The following SLAIN2 variants were observed in gnomAD, a reference collection of about 807,000 sequenced individuals.
The protein encoded by SLAIN2 is SLAIN family member 2.
In SLAIN2, 31 loss-of-function variants were observed where a neutral mutation model predicts 56.6. The observed-to-expected ratio is 0.55, with a 90% confidence interval of 0.41 to 0.74. The LOEUF (loss-of-function observed/expected upper bound fraction) is 0.74. Ranked by LOEUF, SLAIN2 falls within the 30% of genes least tolerant of loss-of-function variation. The pLI is 0.00. For missense variants in SLAIN2, 777 were observed against 754.2 expected (o/e 1.03, Z -0.35); for synonymous variants, 317 against 284.9 (o/e 1.11, Z -1.13).
intron 6 of SLAIN2, among the ~76,000 whole-genome samples, chr4:48,389,578 G>A (rs1716184003): frequency 6.6e-6 from 1 of 152,224 alleles, no homozygotes; most frequent in African/African-American, 2.4e-5. Context: ...ATTAAATTCA[G>A]CAGTGTGAAG....
At chr4:48,418,288 C>T (rs953468433) in intron 6 of SLAIN2, among the ~76,000 whole-genome samples, 1 of 151,704 alleles carries the variant, frequency 6.6e-6, no homozygotes, top group Admixed American at 6.6e-5. Context: ...ATAATGTTAA[C>T]TGTAGGGTTT....
intron 6 of SLAIN2, among the ~76,000 whole-genome samples, chr4:48,396,947 A>G (rs1356934953): frequency 6.6e-6 from 1 of 152,230 alleles, no homozygotes; most frequent in Non-Finnish European, 1.5e-5. Flanking sequence ...AAGTCAAAAA[A>G]GGATGGACAC....
intron 1 of SLAIN2, among the ~76,000 whole-genome samples, chr4:48,362,311 T>C (rs1434300748): frequency 2.0e-5 from 3 of 152,192 alleles, no homozygotes; most frequent in African/African-American, 7.2e-5. Context: ...TCCTTAATAT[T>C]TGATAGAATT....
chr4:48,374,087 G>C (rs2109756079), intron 2 of SLAIN2, among the ~76,000 whole-genome samples: 1 of 152,230 alleles, frequency 6.6e-6, no homozygotes, highest in East Asian at 1.9e-4. Context: ...AAAGGCATGT[G>C]CAAAGGCTCC....
At chr4:48,365,345 C>T (rs1156783200) in intron 1 of SLAIN2, among the ~76,000 whole-genome samples, 1 of 144,678 alleles carries the variant, frequency 6.9e-6, no homozygotes, top group African/African-American at 2.6e-5. Context: ...TGGCGGGCAC[C>T]TGTAATCCTA....
At chr4:48,417,992 T>A (rs1331846919) in intron 6 of SLAIN2, among the ~76,000 whole-genome samples, 8 of 151,960 alleles carry the variant, frequency 5.3e-5, no homozygotes, top group Admixed American at 3.9e-4. Context: ...TTTCTAGAAG[T>A]GTGTGTGTGT....
At chr4:48,407,077 A>G (rs1716717889) in intron 6 of SLAIN2, among the ~76,000 whole-genome samples, 1 of 151,898 alleles carries the variant, frequency 6.6e-6, no homozygotes, top group Non-Finnish European at 1.5e-5. Context: ...ATAGTTTTTT[A>G]TATTCTGTTC....
intron 6 of SLAIN2, among the ~76,000 whole-genome samples, chr4:48,412,391 CACACACACACACACACACACACACA>C (rs1560465796): frequency 8.7e-6 from 1 of 114,994 alleles, no homozygotes; most frequent in Admixed American, 8.7e-5. Flanking sequence ...CACACACACA[CACACACACACACACACACACACACA>C]TTCCCTCTCT....
chr4:48,422,044 G>A lies in SLAIN2; in HGVS notation c.1713G>A (p.Met571Ile), dbSNP rs1226635218. ...CAGCTCCTAAAACCTATGGTAGCAT[G>A]AAAGATGACAGTTGGAAAGATGGCT... ...SLPAPKTYGSMKDDSWKDGCY is the reference protein window; with the variant it reads ...SLPAPKTYGSIKDDSWKDGCY Residue 571 changes from methionine to isoleucine, a missense_variant, in exon 8 of 8, where the codon ATG becomes ATA. By Grantham distance (10) the Met-to-Ile change is conservative (BLOSUM62 1). Transcript: ENST00000264313. 2 of 1,610,778 alleles carry A rather than the reference G, an allele frequency of 1.2e-6. No individual in the cohort carries two copies. Among genetic ancestry groups the A allele is most frequent in the Admixed American group, 3.4e-5 (2 of 59,602 alleles).
intron 6 of SLAIN2, among the ~76,000 whole-genome samples, chr4:48,418,041 G>A (rs1717043027): frequency 6.6e-6 from 1 of 151,960 alleles, no homozygotes; most frequent in Admixed American, 6.6e-5. Context: ...CAACCATGGG[G>A]ACAGTTTCTA....
intron 2 of SLAIN2, among the ~76,000 whole-genome samples, chr4:48,372,840 C>G (rs1263104584): frequency 1.3e-5 from 2 of 151,936 alleles, no homozygotes; most frequent in African/African-American, 4.8e-5. Context: ...TTGGCTTTTA[C>G]AAGTTTGAAC....
At chr4:48,380,797 A>G (rs1028966414) in intron 4 of SLAIN2, among the ~76,000 whole-genome samples, 5 of 152,172 alleles carry the variant, frequency 3.3e-5, no homozygotes, top group Non-Finnish European at 7.4e-5. Flanking sequence ...GAGCATTGCT[A>G]CGGTTTAGTT....
In SLAIN2 at chr4:48,383,849, T is replaced by A; in HGVS notation, c.1360+65T>A. The A allele has an allele frequency of 2.6e-6, 4 of 1,509,968 alleles. No individual in the cohort carries two copies. In the East Asian group the frequency reaches 9.4e-5, roughly 36 times the overall value. The allele number at this position is 1,509,968 out of a possible 1,614,324, so 93.5% of individuals were successfully genotyped here. On this transcript the variant is annotated intron_variant, in intron 6 of 7. Coordinates refer to ENST00000264313, the MANE Select transcript of SLAIN2 (RefSeq NM_020846.2). ...AAGAGAAGTGAAAATTTTAGATATTTGTTTTATGCTGAAAAACCGTTTTTT... is the reference window on the plus strand; with the variant it reads ...AAGAGAAGTGAAAATTTTAGATATTAGTTTTATGCTGAAAAACCGTTTTTT...
chr4:48,383,618 A>AT (rs1280655811), intron 5 of SLAIN2, 29 bp from the exon 6 acceptor site: 3 of 1,476,280 alleles, frequency 2.0e-6, no homozygotes, highest in African/African-American at 1.4e-5. Context: ...AAAGAATATG[A>AT]TTTTTTTAAA....
chr4:48,359,562 T>C (rs890460133), intron 1 of SLAIN2, among the ~76,000 whole-genome samples: 3 of 152,214 alleles, frequency 2.0e-5, no homozygotes, highest in African/African-American at 7.2e-5. Context: ...TGAAGAAATA[T>C]ATTAACAATG....
At position 48,400,820 on chromosome 4, in the gene SLAIN2, GTTC is replaced by G. The variant is rs568642187; in HGVS notation, c.1360+17041_1360+17043del. Among the ~76,000 whole-genome samples the G allele has an allele frequency of 1.3e-3, 192 of 151,618 alleles. 1 individual carries two copies. The highest frequency in any genetic ancestry group is 4.1e-3 in the African/African-American group (169 of 41,380). On this transcript the variant is annotated intron_variant, in intron 6 of 7. Coordinates refer to ENST00000264313, the MANE Select transcript of SLAIN2 (RefSeq NM_020846.2). ...GTTTTTCTTGTCTCTATCTCCTTCA[GTTC>G]TTCTGCTAGCTTTGGAGTTTGTTTG...
intron 2 of SLAIN2, among the ~76,000 whole-genome samples, chr4:48,375,238 C>T (rs1715778128): frequency 6.6e-6 from 1 of 152,136 alleles, no homozygotes; most frequent in African/African-American, 2.4e-5. Context: ...TGTATTTCTG[C>T]ACAGGTTGAT....
chr4:48,425,697 T>C lies in SLAIN2; in HGVS notation c.*3620T>C, dbSNP rs1717280455. ...ATTAAATGTCACTATACTTGTATTA[T>C]AAATCAATACATAAGTTTAAACCTG... On this transcript the variant is annotated 3_prime_UTR_variant, in exon 8 of 8. Transcript: ENST00000264313. 1 of 152,202 alleles carries C rather than the reference T, an allele frequency of 6.6e-6. No homozygotes were observed. Among genetic ancestry groups the C allele is most frequent in the Admixed American group, 6.5e-5 (1 of 15,272 alleles). The allele number at this position is 152,202 out of a possible 1,614,324, so 9.4% of individuals were successfully genotyped here. A position where few individuals can be genotyped will look rare whatever the true frequency, so the allele number is the denominator to read the frequency against.
chr4:48,401,759 A>G (rs1716562777), intron 6 of SLAIN2, among the ~76,000 whole-genome samples: 1 of 152,162 alleles, frequency 6.6e-6, no homozygotes, highest in African/African-American at 2.4e-5. Context: ...TGAGGCATTT[A>G]GCCCATTTAC....
Sources: gnomAD v4.1 joint callset for allele counts (sites outside exome capture counted in the v4.1 genomes callset) on GRCh38, gnomAD v4.1.1 for gene constraint, MANE v1.5 for transcripts, NCBI Gene and HGNC (gene_info 2026-07-23, HGNC 2026-07-21) for gene names.